RSU1: variants seen among roughly 807,000 people sequenced by gnomAD.
The protein encoded by RSU1 is rsu-1.
Under a neutral mutation model 31.1 loss-of-function variants are expected in RSU1, and 26 were observed. The ratio of observed to expected loss-of-function variants is 0.84; its 90% CI spans 0.61 to 1.16. The LOEUF (loss-of-function observed/expected upper bound fraction) is 1.16, where lower values mean the gene tolerates loss of function less well. Among genes scored for constraint, RSU1 ranks in the 50% most tolerant of loss-of-function variants. The probability of loss-of-function intolerance (pLI) is 0.00; values close to 1 mark genes in which losing one functional copy is unlikely to be tolerated. For missense variants in RSU1, 320 were observed against 339.1 expected (o/e 0.94, Z 0.44); for synonymous variants, 164 against 136.3 (o/e 1.20, Z -1.41).
Position 16,708,815 on chromosome 10 carries a change from C to CT in RSU1, c.599-13661dup, listed in dbSNP as rs74458749. On this transcript the variant is annotated intron_variant, in intron 7 of 8. Coordinates refer to ENST00000345264, the MANE Select transcript of RSU1 (RefSeq NM_012425.4). ...TTCAATTTGGTTTTGTTTCTATTATCTTTTTTTTTTTAAGCTATCGTAAAT... is the reference window on the plus strand; with the variant it reads ...TTCAATTTGGTTTTGTTTCTATTATCTTTTTTTTTTTTAAGCTATCGTAAAT... Among the ~76,000 whole-genome samples the CT allele has an allele frequency of 1.3e-3, 190 of 144,646 alleles. 2 individuals carry two copies. The highest frequency in any genetic ancestry group is 3.6e-3 in the Middle Eastern group (1 of 276). 94.9% of individuals were successfully genotyped at this position (144,646 alleles called of 152,430 possible). A position where few individuals can be genotyped will look rare whatever the true frequency, so the allele number is the denominator to read the frequency against.
intron 2 of RSU1, among the ~76,000 whole-genome samples, chr10:16,799,040 T>C (rs796773069): frequency 6.6e-5 from 10 of 152,306 alleles, no homozygotes; most frequent in African/African-American, 2.4e-4. Flanking sequence ...TAGAGATACA[T>C]TGTCCTAAGG....
intron 2 of RSU1, among the ~76,000 whole-genome samples, chr10:16,797,298 G>A (rs1034468753): frequency 6.6e-6 from 1 of 152,200 alleles, no homozygotes; most frequent in African/African-American, 2.4e-5. Flanking sequence ...GAGAAAAAGA[G>A]ACCAAGGATA....
At chr10:16,784,584 A>T (rs887683465) in intron 2 of RSU1, among the ~76,000 whole-genome samples, 1 of 152,156 alleles carries the variant, frequency 6.6e-6, no homozygotes. Context: ...CGAAACTGAG[A>T]CTGCATAATT....
At chr10:16,805,891 A>G (rs78362821) in intron 2 of RSU1, among the ~76,000 whole-genome samples, 2,713 of 152,164 alleles carry the variant, frequency 0.018, 88 homozygotes, top group African/African-American at 0.061. Flanking sequence ...GACTAGAAGG[A>G]GGAGTTAAGT....
chr10:16,691,767 C>T (rs1391211710), intron 8 of RSU1, among the ~76,000 whole-genome samples: 1 of 127,544 alleles, frequency 7.8e-6, no homozygotes, highest in Non-Finnish European at 1.6e-5. Flanking sequence ...CACAGTTTCA[C>T]TATGTCACCC....
intron 7 of RSU1, among the ~76,000 whole-genome samples, chr10:16,727,490 T>C (rs1836422963): frequency 6.6e-6 from 1 of 152,158 alleles, no homozygotes; most frequent in African/African-American, 2.4e-5. Context: ...AATATGCAAG[T>C]ATTACTGATC....
intron 8 of RSU1, among the ~76,000 whole-genome samples, chr10:16,667,034 A>ACAG (rs1199465132): frequency 6.6e-6 from 1 of 150,556 alleles, no homozygotes; most frequent in Non-Finnish European, 1.5e-5. Context: ...AAAACAAACA[A>ACAG]CAACAACAAC....
chr10:16,608,179 C>A (rs759796551), intron 8 of RSU1, among the ~76,000 whole-genome samples: 28 of 152,198 alleles, frequency 1.8e-4, no homozygotes, highest in Non-Finnish European at 2.9e-4. Context: ...CCTCCTCCAT[C>A]GCCCATGGAT....
At chr10:16,783,780 T>G (rs912146942) in intron 2 of RSU1, among the ~76,000 whole-genome samples, 2 of 152,122 alleles carry the variant, frequency 1.3e-5, no homozygotes, top group Non-Finnish European at 2.9e-5. Context: ...GCTGGCCTGA[T>G]GCCCCATAAA....
intron 2 of RSU1, among the ~76,000 whole-genome samples, chr10:16,792,815 C>A (rs1453175023): frequency 6.6e-6 from 1 of 152,184 alleles, no homozygotes; most frequent in Non-Finnish European, 1.5e-5. Flanking sequence ...CCCTGGTGGA[C>A]TAGAAACAGC....
chr10:16,806,014 C>T (rs1373790365), intron 2 of RSU1, among the ~76,000 whole-genome samples: 3 of 152,188 alleles, frequency 2.0e-5, no homozygotes, highest in Non-Finnish European at 4.4e-5. Flanking sequence ...CAGCTCCCAA[C>T]CTACTGATAA....
intron 8 of RSU1, among the ~76,000 whole-genome samples, chr10:16,624,721 G>C (rs1433063748): frequency 1.3e-5 from 2 of 152,156 alleles, no homozygotes; most frequent in African/African-American, 2.4e-5. Flanking sequence ...CACACTCTTT[G>C]ATTAGGTGGA....
intron 8 of RSU1, among the ~76,000 whole-genome samples, chr10:16,631,964 G>T (rs189306619): frequency 3.3e-5 from 5 of 152,284 alleles, no homozygotes; most frequent in Admixed American, 3.3e-4. Context: ...GATTCTGGAA[G>T]AGTCCGTAGA....
At chr10:16,761,973 T>TGTGCTCCTGAAGATCTCATCTGTGGACTA (rs1237478963) in intron 4 of RSU1, among the ~76,000 whole-genome samples, 2 of 152,180 alleles carry the variant, frequency 1.3e-5, no homozygotes, top group Non-Finnish European at 2.9e-5. Flanking sequence ...CTGCTGTGTT[T>TGTGCTCCTGAAGATCTCATCTGTGGACTA]GTGCTCCTGA....
intron 7 of RSU1, among the ~76,000 whole-genome samples, chr10:16,726,112 A>C (rs1437161925): frequency 6.6e-6 from 1 of 151,888 alleles, no homozygotes; most frequent in Non-Finnish European, 1.5e-5. Context: ...TAATAGCTTA[A>C]TATTCTTGGA....
chr10:16,787,993 G>C (rs1014351362), intron 2 of RSU1, among the ~76,000 whole-genome samples: 1 of 152,118 alleles, frequency 6.6e-6, no homozygotes, highest in Non-Finnish European at 1.5e-5. Flanking sequence ...GATTTTATAC[G>C]CTGCAGAAAT....
chr10:16,675,943 T>C lies in RSU1; in HGVS notation c.731+19080A>G, dbSNP rs188930751. ...GGGCAACAGAATTAGAGCCTGAGTCTAGAGCTAATAAAACAAAGACAAAGA... is the reference window on the plus strand; with the variant it reads ...GGGCAACAGAATTAGAGCCTGAGTCCAGAGCTAATAAAACAAAGACAAAGA... On this transcript the variant is annotated intron_variant, in intron 8 of 8. Coordinates refer to ENST00000345264, the MANE Select transcript of RSU1 (RefSeq NM_012425.4). Among the ~76,000 whole-genome samples, 13 of 152,250 alleles carry C rather than the reference T, an allele frequency of 8.5e-5. No homozygotes were observed. The South Asian group carries it at 1.0e-3, about 12-fold the overall frequency.
chr10:16,706,732 A>G (rs925963615), intron 7 of RSU1, among the ~76,000 whole-genome samples: 36 of 152,178 alleles, frequency 2.4e-4, no homozygotes, highest in African/African-American at 7.2e-4. Flanking sequence ...TGGTGGGAAC[A>G]TTTGAAAGCC....
At chr10:16,622,731 A>G (rs1016056040) in intron 8 of RSU1, among the ~76,000 whole-genome samples, 1 of 152,226 alleles carries the variant, frequency 6.6e-6, no homozygotes, top group Non-Finnish European at 1.5e-5. Context: ...CCCAGGATCA[A>G]GGTTAAGGAT....
Sources: gnomAD v4.1 joint callset for allele counts (sites outside exome capture counted in the v4.1 genomes callset) on GRCh38, gnomAD v4.1.1 for gene constraint, MANE v1.5 for transcripts, NCBI Gene and HGNC (gene_info 2026-07-23, HGNC 2026-07-21) for gene names.